PLCH1: variants seen among roughly 807,000 people sequenced by gnomAD.
PLCH1 encodes the protein phospholipase C eta 1, also known as 1-phosphatidylinositol 4,5-bisphosphate phosphodiesterase eta-1.
A neutral mutation model predicts 126.7 loss-of-function variants in PLCH1; 60 were observed. The ratio of observed to expected loss-of-function variants is 0.47; its 90% CI spans 0.38 to 0.59. PLCH1 has a LOEUF of 0.59. Among genes scored for constraint, PLCH1 ranks in the 20% least tolerant of loss-of-function variants. The pLI, the probability that PLCH1 is intolerant of heterozygous loss-of-function variation, is 0.00. For synonymous variants in PLCH1, 719 were observed against 734.9 expected, an observed-to-expected ratio of 0.98 and a Z score of 0.35; for missense variants, 1,723 against 2,040.0, an observed-to-expected ratio of 0.84 and a Z score of 2.99.
At chr3:155,498,776 T>C (rs1394444870) in intron 14 of PLCH1, among the ~76,000 whole-genome samples, 96 of 152,208 alleles carry the variant, frequency 6.3e-4, no homozygotes, top group Non-Finnish European at 7.3e-5. Flanking sequence ...GCTGTTTTTA[T>C]CTTAGATATT....
Position 155,481,568 on chromosome 3 carries a change from A to T in PLCH1, c.4458T>A (p.Ser1486Arg). Residue 1486 changes from serine (S) to arginine (R), a missense_variant, in exon 23 of 23, where the codon AGT becomes AGA. By Grantham distance (110) the Ser-to-Arg change is moderately radical. Coordinates refer to ENST00000460012, the MANE Select transcript of PLCH1 (RefSeq NM_014996.4). The surrounding 1 kb of genome is among the most constrained non-coding windows in gnomAD (Gnocchi z 4.2). ...LKLPSPCKSK[S>R]LGDLTSEDIA... ...TGTCCTCTGATGTTAAGTCCCCCAG[A>T]CTTTTGGATTTGCAAGGACTAGGCA... The T allele has an allele frequency of 6.2e-7, 1 of 1,614,074 alleles. No individual in the cohort carries two copies. Among genetic ancestry groups the T allele is most frequent in the Non-Finnish European group, 8.5e-7 (1 of 1,180,022 alleles).
At chr3:155,698,903 C>A (rs1013680639) in intron 2 of PLCH1, among the ~76,000 whole-genome samples, 15 of 151,752 alleles carry the variant, frequency 9.9e-5, no homozygotes, top group African/African-American at 3.2e-4. Flanking sequence ...ATCTACCTGG[C>A]AACGCTGCTT....
intron 1 of PLCH1, among the ~76,000 whole-genome samples, chr3:155,715,046 A>G (rs985819745): frequency 1.3e-5 from 2 of 152,158 alleles, no homozygotes; most frequent in African/African-American, 4.8e-5. Flanking sequence ...TATTTTTTCT[A>G]AGTCAGTTTT....
chr3:155,621,480 T>A (rs747773817), intron 2 of PLCH1, among the ~76,000 whole-genome samples: 17 of 152,116 alleles, frequency 1.1e-4, no homozygotes, highest in Non-Finnish European at 2.5e-4. Flanking sequence ...AAGGAGCATG[T>A]TCTAAATCAA....
At chr3:155,583,335 T>C in intron 6 of PLCH1, 137 bp downstream of exon 6, 2 of 640,288 alleles carry the variant, frequency 3.1e-6, no homozygotes, top group Non-Finnish European at 5.3e-6. Context: ...AAATGACTCA[T>C]AGATAAGATT....
chr3:155,727,896 C>CT (rs63042562), intron 1 of PLCH1, among the ~76,000 whole-genome samples: 101 of 146,970 alleles, frequency 6.9e-4, no homozygotes, highest in African/African-American at 1.2e-3. Flanking sequence ...GATTTTGTTT[C>CT]TTTTTTTTTT....
At chr3:155,499,436 A>G (rs1325759108) in intron 14 of PLCH1, among the ~76,000 whole-genome samples, 1 of 152,208 alleles carries the variant, frequency 6.6e-6, no homozygotes, top group Non-Finnish European at 1.5e-5. Flanking sequence ...AGTCATGCCT[A>G]GAAATTATAA....
intron 10 of PLCH1, among the ~76,000 whole-genome samples, chr3:155,548,069 T>C (rs1319953110): frequency 1.3e-5 from 2 of 152,058 alleles, no homozygotes; most frequent in Admixed American, 1.3e-4. Flanking sequence ...ATTTAAAAAA[T>C]GAACTTTGCC....
At chr3:155,558,532 A>G (rs1237110998) in intron 8 of PLCH1, among the ~76,000 whole-genome samples, 1 of 152,142 alleles carries the variant, frequency 6.6e-6, no homozygotes, top group Non-Finnish European at 1.5e-5. Context: ...TAGTTTATAG[A>G]TTAGGTCAGT....
chr3:155,625,301 C>T (rs2108787809), intron 2 of PLCH1, among the ~76,000 whole-genome samples: 1 of 152,158 alleles, frequency 6.6e-6, no homozygotes, highest in East Asian at 1.9e-4. Context: ...TAGAAAAAAA[C>T]CTAGGCAATA....
chr3:155,462,636 T>C (rs1478983600), intron 21 of PLCH1, among the ~76,000 whole-genome samples: 2 of 152,196 alleles, frequency 1.3e-5, no homozygotes, highest in Non-Finnish European at 2.9e-5. Context: ...AGATGCAGCA[T>C]ATCAGACCCA....
At chr3:155,736,322 G>C (rs912719483) in intron 1 of PLCH1, among the ~76,000 whole-genome samples, 1 of 152,188 alleles carries the variant, frequency 6.6e-6, no homozygotes, top group Admixed American at 6.5e-5. Flanking sequence ...AAGGAGAAAA[G>C]TTGTGGTTTA....
At chr3:155,641,613 A>C (rs1341081675) in intron 2 of PLCH1, among the ~76,000 whole-genome samples, 3 of 152,204 alleles carry the variant, frequency 2.0e-5, no homozygotes, top group African/African-American at 7.2e-5. Flanking sequence ...TAACACAAAG[A>C]ATGACAAATG....
chr3:155,624,147 A>G (rs1736916905), intron 2 of PLCH1, among the ~76,000 whole-genome samples: 1 of 151,646 alleles, frequency 6.6e-6, no homozygotes, highest in Non-Finnish European at 1.5e-5. Flanking sequence ...CAATGACAAA[A>G]ACGACATGAT....
At chr3:155,498,233 G>A (rs754691979) in intron 14 of PLCH1, among the ~76,000 whole-genome samples, 14 of 152,200 alleles carry the variant, frequency 9.2e-5, no homozygotes, top group South Asian at 4.1e-4. Flanking sequence ...CCTAAAGTGC[G>A]GGAGTAGTAA....
At chr3:155,477,966 G>A (rs1176185493), downstream of PLCH1, among the ~76,000 whole-genome samples, 1 of 152,074 alleles carries the variant, frequency 6.6e-6, no homozygotes, top group Non-Finnish European at 1.5e-5. Flanking sequence ...TTGCAGCACT[G>A]CTTACCTTAG....
chr3:155,707,427 G>C (rs184108286), intron 1 of PLCH1, among the ~76,000 whole-genome samples: 1 of 152,128 alleles, frequency 6.6e-6, no homozygotes, highest in Non-Finnish European at 1.5e-5. Context: ...AGTGGCTCAC[G>C]CCTGTAATCC....
At chr3:155,483,623 T>C (rs1714539767) in intron 22 of PLCH1, among the ~76,000 whole-genome samples, 1 of 152,192 alleles carries the variant, frequency 6.6e-6, no homozygotes, top group Non-Finnish European at 1.5e-5. Flanking sequence ...TCAATATCTG[T>C]TGAGTTAAAA....
intron 2 of PLCH1, among the ~76,000 whole-genome samples, chr3:155,656,953 C>T (rs1444658670): frequency 5.3e-5 from 8 of 150,562 alleles, no homozygotes; most frequent in African/African-American, 2.0e-4. Flanking sequence ...TTATAAAATT[C>T]ACATACTAAA....
Sources: gnomAD v4.1 joint callset for allele counts (sites outside exome capture counted in the v4.1 genomes callset) on GRCh38, gnomAD v4.1.1 for gene constraint, Gnocchi (gnomAD v3.1) non-coding constraint, MANE v1.5 for transcripts, NCBI Gene and HGNC (gene_info 2026-07-23, HGNC 2026-07-21) for gene names.